The following MTUS2 variants were observed in gnomAD, a reference collection of about 807,000 sequenced individuals.
MTUS2 encodes the protein microtubule-associated tumor suppressor candidate 2.
In MTUS2, 40 loss-of-function variants were observed where a neutral mutation model predicts 114.1. The observed-to-expected ratio is 0.35, with a 90% CI of 0.27 to 0.46. The LOEUF is 0.46. MTUS2 is among the 20% of genes least tolerant of loss of function. The probability of loss-of-function intolerance (pLI) is 1.00; values close to 1 mark genes in which losing one functional copy is unlikely to be tolerated. For missense variants in MTUS2, 1,679 were observed against 1,705.4 expected, an observed-to-expected ratio of 0.98 and a Z score of 0.27; for synonymous variants, 688 against 672.0, an observed-to-expected ratio of 1.02 and a Z score of -0.37.
intron 2 of MTUS2, among the ~76,000 whole-genome samples, chr13:28,879,426 A>G (rs769776983): frequency 1.1e-4 from 17 of 152,276 alleles, no homozygotes; most frequent in Non-Finnish European, 2.2e-4. Context: ...ACCTGAACGT[A>G]AGGTCATAGT....
At chr13:29,062,229 A>T (rs975692240) in intron 4 of MTUS2, among the ~76,000 whole-genome samples, 1 of 152,100 alleles carries the variant, frequency 6.6e-6, no homozygotes, top group Non-Finnish European at 1.5e-5. Context: ...CAAGAGACCC[A>T]CCTGCCTCAG....
chr13:29,118,041 G>GA (rs1891162287), intron 5 of MTUS2, among the ~76,000 whole-genome samples: 1 of 152,146 alleles, frequency 6.6e-6, no homozygotes, highest in Non-Finnish European at 1.5e-5. Flanking sequence ...GAAGGTGCAT[G>GA]AAAAATAGAC....
At chr13:29,109,600 C>T (rs1412840935) in intron 5 of MTUS2, among the ~76,000 whole-genome samples, 2 of 152,068 alleles carry the variant, frequency 1.3e-5, no homozygotes, top group Non-Finnish European at 2.9e-5. Context: ...TTCTCTGTTT[C>T]CTCATTGTAA....
intron 2 of MTUS2, among the ~76,000 whole-genome samples, chr13:28,905,865 C>T (rs1161523546): frequency 2.6e-5 from 4 of 151,516 alleles, no homozygotes; most frequent in Admixed American, 6.6e-5. Flanking sequence ...TAGAATTTGG[C>T]TGTGAATCCA....
chr13:29,272,855 ACTTTCTC>A (rs1566103330), intron 5 of MTUS2, among the ~76,000 whole-genome samples: 1 of 152,202 alleles, frequency 6.6e-6, no homozygotes, highest in Non-Finnish European at 1.5e-5. Flanking sequence ...ACAGAAACTT[ACTTTCTC>A]ACAGTTCTGG....
intron 2 of MTUS2, among the ~76,000 whole-genome samples, chr13:28,950,410 A>G (rs1379889941): frequency 2.0e-5 from 3 of 152,196 alleles, no homozygotes; most frequent in Non-Finnish European, 4.4e-5. Context: ...CCGTTTCACT[A>G]TGTTAATGAC....
intron 2 of MTUS2, among the ~76,000 whole-genome samples, chr13:28,995,806 T>C (rs1030290385): frequency 2.6e-5 from 4 of 152,216 alleles, no homozygotes; most frequent in African/African-American, 9.7e-5. Context: ...GCTGAGAAAA[T>C]GGCGTTTTCT....
chr13:29,373,515 C>T (rs984213765), intron 8 of MTUS2, among the ~76,000 whole-genome samples: 1 of 152,170 alleles, frequency 6.6e-6, no homozygotes, highest in African/African-American at 2.4e-5. Flanking sequence ...AACCCCTGGG[C>T]TCACCCCTGA....
In MTUS2 at chr13:28,879,547, G is replaced by A. The variant is rs550115352; in HGVS notation, c.-243+39697G>A. ...TATTTTGTGAGCTGGTTATGTGAAC[G>A]GCTGATGTTGAAATCTTGACCTGGG... On this transcript the variant is annotated intron_variant, in intron 2 of 15. Coordinates refer to ENST00000612955, the MANE Select transcript of MTUS2 (RefSeq NM_001033602.4). Among the ~76,000 whole-genome samples, 9 of 152,214 alleles carry A rather than the reference G, an allele frequency of 5.9e-5. No individual in the cohort carries two copies. In the East Asian group the frequency reaches 1.5e-3, roughly 26 times the overall value.
At chr13:29,448,087 A>G (rs74042085) in intron 9 of MTUS2, among the ~76,000 whole-genome samples, 17,274 of 152,140 alleles carry the variant, frequency 0.11, 1,489 homozygotes, top group African/African-American at 0.25. Flanking sequence ...TTCTCTCCCT[A>G]GCCAAGCTGA....
chr13:29,063,926 C>G (rs1593437638), intron 4 of MTUS2, among the ~76,000 whole-genome samples: 1 of 152,158 alleles, frequency 6.6e-6, no homozygotes, highest in Admixed American at 6.5e-5. Flanking sequence ...ATGTTAACAT[C>G]AGATCCTATG....
At chr13:29,195,656 G>A (rs1276494840) in intron 5 of MTUS2, among the ~76,000 whole-genome samples, 1 of 151,936 alleles carries the variant, frequency 6.6e-6, no homozygotes, top group Non-Finnish European at 1.5e-5. Flanking sequence ...CAGACGCCCT[G>A]TGGAGGCCAA....
chr13:28,949,993 G>C (rs1197041967), intron 2 of MTUS2, among the ~76,000 whole-genome samples: 1 of 152,182 alleles, frequency 6.6e-6, no homozygotes, highest in Non-Finnish European at 1.5e-5. Context: ...TCTGGATCAT[G>C]CAGTAATTCT....
intron 7 of MTUS2, among the ~76,000 whole-genome samples, chr13:29,333,636 TGTG>T (rs1418745409): frequency 1.3e-5 from 2 of 152,192 alleles, no homozygotes; most frequent in Non-Finnish European, 2.9e-5. Flanking sequence ...ATAAGTGTAA[TGTG>T]GTGCTGAGAA....
intron 6 of MTUS2, chr13:29,307,447 C>A: frequency 2.3e-6 from 3 of 1,319,736 alleles, no homozygotes; most frequent in Non-Finnish European, 3.3e-6. Flanking sequence ...CATCCCTGAG[C>A]TGAATGGGAA....
intron 2 of MTUS2, among the ~76,000 whole-genome samples, chr13:28,943,137 T>C (rs1052138518): frequency 5.3e-5 from 8 of 152,192 alleles, no homozygotes; most frequent in Non-Finnish European, 1.5e-5. Flanking sequence ...GCAAGTTGCT[T>C]AGTTCCTTAA....
intron 4 of MTUS2, among the ~76,000 whole-genome samples, chr13:29,041,704 A>G (rs769084058): frequency 3.3e-5 from 5 of 151,252 alleles, no homozygotes; most frequent in African/African-American, 9.7e-5. Context: ...TGTTGTGTTT[A>G]TTTGTTTGTT....
intron 8 of MTUS2, among the ~76,000 whole-genome samples, chr13:29,378,146 A>G (rs1363120708): frequency 2.0e-5 from 3 of 152,172 alleles, no homozygotes; most frequent in Non-Finnish European, 4.4e-5. Context: ...AGGTTTTAGA[A>G]TAGTGAAGCT....
At chr13:29,109,559 G>C (rs969458112) in intron 5 of MTUS2, among the ~76,000 whole-genome samples, 10 of 152,122 alleles carry the variant, frequency 6.6e-5, no homozygotes, top group Non-Finnish European at 7.4e-5. Flanking sequence ...CAGTTTGCTA[G>C]CTTTGTGACT....
Sources: gnomAD v4.1 joint callset for allele counts (sites outside exome capture counted in the v4.1 genomes callset) on GRCh38, gnomAD v4.1.1 for gene constraint, MANE v1.5 for transcripts, NCBI Gene and HGNC (gene_info 2026-07-23, HGNC 2026-07-21) for gene names.